Variants in DCHS2 observed in about 807,000 individuals in gnomAD.
DCHS2 encodes dachsous cadherin-related 2, also known as protocadherin-23.
In DCHS2, 142 loss-of-function variants were observed where a neutral mutation model predicts 182.4. The observed-to-expected ratio is 0.78, with a 90% confidence interval of 0.68 to 0.89. DCHS2 has a LOEUF of 0.89. Among genes scored for constraint, DCHS2 ranks in the 40% least tolerant of loss-of-function variants. The pLI is 0.00. For synonymous variants in DCHS2, 1,740 were observed against 1,663.3 expected (o/e 1.05, Z -1.12); for missense variants, 4,319 against 4,198.6 (o/e 1.03, Z -0.79).
chr4:154,354,546 A>G (rs2110735125), intron 3 of DCHS2, among the ~76,000 whole-genome samples: 1 of 152,288 alleles, frequency 6.6e-6, no homozygotes, highest in Admixed American at 6.5e-5. Context: ...TACGACCCTC[A>G]TTACTTTATG....
chr4:154,367,120 GGAA>G, intron 2 of DCHS2, among the ~76,000 whole-genome samples: 1 of 152,296 alleles, frequency 6.6e-6, no homozygotes, highest in Middle Eastern at 3.4e-3. Flanking sequence ...GCCGCAGCAA[GGAA>G]GCAGGAAGGG....
rs753482516 is a variant in DCHS2 at position 154,320,373 on chromosome 4, C to T, written c.5020+6G>A. 4 of 1,611,344 alleles carry T rather than the reference C, an allele frequency of 2.5e-6. No homozygotes were observed. The South Asian group carries it at 3.3e-5, about 13-fold the overall frequency. On this transcript the variant is annotated splice_donor_region_variant and intron_variant, in intron 9 of 19. Coordinates refer to ENST00000357232, the MANE Select transcript of DCHS2 (RefSeq NM_001358235.2). ...ATTTTTAAAAGTGACATATAGGGCA[C>T]TGTACCTGATGACTCATCTAGCATA...
chr4:154,439,327 AAAG>A (rs1733903428), intron 1 of DCHS2, among the ~76,000 whole-genome samples: 2 of 152,206 alleles, frequency 1.3e-5, no homozygotes, highest in Non-Finnish European at 2.9e-5. Context: ...AATTGCCCTG[AAAG>A]AAGGATTTAC....
intron 5 of DCHS2, 107 bp from the exon 6 acceptor site, chr4:154,329,817 C>T (rs954316353): frequency 8.8e-6 from 9 of 1,021,366 alleles, no homozygotes; most frequent in Admixed American, 2.7e-5. Context: ...AGCAAATATG[C>T]GACTTCTAAG....
At chr4:154,313,605 T>A (rs1266753772) in intron 10 of DCHS2, among the ~76,000 whole-genome samples, 1 of 152,130 alleles carries the variant, frequency 6.6e-6, no homozygotes, top group Non-Finnish European at 1.5e-5. Context: ...CATAATCCTG[T>A]TTCATTGTTT....
At chr4:154,440,092 T>G (rs1907155) in intron 1 of DCHS2, among the ~76,000 whole-genome samples, 69,955 of 152,104 alleles carry the variant, frequency 0.46, 16,594 homozygotes, top group Middle Eastern at 0.68. Context: ...TGATCCCACA[T>G]CTGTCTACAC....
At chr4:154,302,844 A>G (rs1020033031) in intron 12 of DCHS2, among the ~76,000 whole-genome samples, 1 of 101,436 alleles carries the variant, frequency 9.9e-6, no homozygotes, top group African/African-American at 3.0e-5. Context: ...ATATACACAC[A>G]TATATGAAAT....
At chr4:154,359,733 A>AG (rs1422187142) in intron 3 of DCHS2, among the ~76,000 whole-genome samples, 1 of 152,088 alleles carries the variant, frequency 6.6e-6, no homozygotes, top group Non-Finnish European at 1.5e-5. Flanking sequence ...GGCTGAAAAA[A>AG]CTAGAATGGA....
rs1475253855 is a variant in DCHS2 at position 154,240,696 on chromosome 4, T to C, written c.7200A>G (p.Gly2400=). ...GTKFAIDQNT[G]VVVLVKTLDF... Reference sequence around the variant, plus strand: ...CCAATGTTTTCACCAACACCACCACTCCAGTGTTCTGATCAATAGCAAACT... The same window carrying C: ...CCAATGTTTTCACCAACACCACCACCCCAGTGTTCTGATCAATAGCAAACT... The change falls in exon 18 of 20, where the codon GGA becomes GGG. Residue 2400 remains glycine (G), a synonymous_variant. Coordinates refer to ENST00000357232, the MANE Select transcript of DCHS2 (RefSeq NM_001358235.2). The C allele has an allele frequency of 1.2e-6, 2 of 1,613,832 alleles. No individual in the cohort carries two copies. Among genetic ancestry groups the C allele is most frequent in the Admixed American group, 3.3e-5 (2 of 59,976 alleles).
At chr4:154,306,861 C>A (rs1735459254) in intron 10 of DCHS2, among the ~76,000 whole-genome samples, 1 of 152,138 alleles carries the variant, frequency 6.6e-6, no homozygotes, top group South Asian at 2.1e-4. Flanking sequence ...AAATTCAGAT[C>A]TTTCTGCTGT....
At chr4:154,488,061 G>A (rs1207503416) in intron 1 of DCHS2, among the ~76,000 whole-genome samples, 1 of 152,164 alleles carries the variant, frequency 6.6e-6, no homozygotes, top group Non-Finnish European at 1.5e-5. Context: ...GCCTGTGCTT[G>A]CAGCTACTTG....
intron 7 of DCHS2, chr4:154,323,049 A>G: frequency 2.9e-6 from 2 of 697,362 alleles, no homozygotes; most frequent in Non-Finnish European, 4.5e-6. Flanking sequence ...TATTTCTTTA[A>G]TCTATGGATT....
At chr4:154,388,398 A>G (rs1731512516) in intron 1 of DCHS2, among the ~76,000 whole-genome samples, 1 of 152,138 alleles carries the variant, frequency 6.6e-6, no homozygotes, top group African/African-American at 2.4e-5. Flanking sequence ...AAAAACTGAA[A>G]GGAAATAAGC....
intron 6 of DCHS2, among the ~76,000 whole-genome samples, chr4:154,328,924 T>C (rs7673296): frequency 0.15 from 22,772 of 152,122 alleles, 1,838 homozygotes; most frequent in Middle Eastern, 0.22. Flanking sequence ...TTATAACCCA[T>C]CCACTAAAAA....
At chr4:154,364,280 T>A (rs1385516430) in intron 3 of DCHS2, among the ~76,000 whole-genome samples, 7 of 152,278 alleles carry the variant, frequency 4.6e-5, no homozygotes, top group Admixed American at 3.9e-4. Flanking sequence ...AAAAACAGAA[T>A]ACAGTATAAC....
At chr4:154,361,047 C>A (rs1391761775) in intron 3 of DCHS2, among the ~76,000 whole-genome samples, 1 of 152,118 alleles carries the variant, frequency 6.6e-6, no homozygotes, top group Non-Finnish European at 1.5e-5. Flanking sequence ...AACTGGCTTC[C>A]ATTTATTCCT....
At chr4:154,275,054 T>TTC (rs55977469) in intron 13 of DCHS2, among the ~76,000 whole-genome samples, 1 of 151,712 alleles carries the variant, frequency 6.6e-6, no homozygotes, top group African/African-American at 2.4e-5. Flanking sequence ...ATTTTTTTTT[T>TTC]CTGGATATGT....
chr4:154,255,658 C>A lies in DCHS2; in HGVS notation c.6802G>T (p.Asp2268Tyr), dbSNP rs781236298. 3 of 1,612,324 alleles carry A rather than the reference C, an allele frequency of 1.9e-6. No homozygotes were observed. The highest frequency in any genetic ancestry group is 3.3e-4 in the Middle Eastern group (2 of 6,052). The change falls in exon 16 of 20, where the codon GAC (aspartate) becomes TAC (tyrosine). Residue 2268 changes from aspartate (D) to tyrosine (Y), a missense_variant. Physicochemically the swap from Asp to Tyr is radical, Grantham distance 160. Transcript: ENST00000357232. ...AGGCCGTTCAAACCACTGTCCAAGT[C>A]GGTAGCAAAAACCTGTGAGGAACCG... ...NAHVIQVFAT[D>Y]LDSGLNGLIE...
intron 1 of DCHS2, among the ~76,000 whole-genome samples, chr4:154,416,662 T>G (rs1732844381): frequency 6.6e-6 from 1 of 152,052 alleles, no homozygotes. Context: ...GCAACCAACT[T>G]GGTACCACAG....
Sources: allele counts gnomAD v4.1 joint callset (sites outside exome capture counted in the v4.1 genomes callset), GRCh38; gene constraint gnomAD v4.1.1; transcripts MANE v1.5; gene names NCBI Gene and HGNC (gene_info 2026-07-23, HGNC 2026-07-21).